ABHD5: variants seen among roughly 807,000 people sequenced by gnomAD.
ABHD5 encodes the protein 1-acylglycerol-3-phosphate O-acyltransferase ABHD5.
Under a neutral mutation model 44.9 loss-of-function variants are expected in ABHD5, and 30 were observed. That is an observed-to-expected ratio of 0.67 (90% CI 0.50 to 0.91). The LOEUF (loss-of-function observed/expected upper bound fraction) is 0.91, where lower values mean the gene tolerates loss of function less well. Among genes scored for constraint, ABHD5 ranks in the 40% least tolerant of loss-of-function variants. ABHD5 has a pLI of 0.00. For synonymous variants in ABHD5, 167 were observed against 147.0 expected (o/e 1.14, Z -0.99); for missense variants, 399 against 423.4 (o/e 0.94, Z 0.50).
In ABHD5 at chr3:43,731,699, G is replaced by A. The variant is rs1275430766; in HGVS notation, c.*30-2181G>A. Among the ~76,000 whole-genome samples, 4 of 152,284 alleles carry A rather than the reference G, an allele frequency of 2.6e-5. No individual in the cohort carries two copies. The East Asian group carries it at 7.7e-4, about 29-fold the overall frequency. ...ATACAAAAATTAGCCGGGTGTGGTG[G>A]CGCATGCCTGTAATCCCAACTACTC... On this transcript the variant is annotated intron_variant, in intron 7 of 7. Transcript: ENST00000454293.
chr3:43,733,436 A>G (rs78991841), intron 7 of ABHD5, among the ~76,000 whole-genome samples: 7,245 of 152,336 alleles, frequency 0.048, 227 homozygotes, highest in Non-Finnish European at 0.066. Flanking sequence ...CAGTTTTGAA[A>G]AAACAGTTTG....
intron 7 of ABHD5, among the ~76,000 whole-genome samples, chr3:43,733,183 G>A (rs1488030228): frequency 6.6e-6 from 1 of 152,230 alleles, no homozygotes; most frequent in Middle Eastern, 3.2e-3. Flanking sequence ...TCTCAAGGGT[G>A]TGAGCACCAG....
chr3:43,702,631 A>G lies in ABHD5; in HGVS notation c.506+44A>G, dbSNP rs1396365137. 10 of 1,613,914 alleles carry G rather than the reference A, an allele frequency of 6.2e-6. No homozygotes were observed. In the Admixed American group the frequency reaches 6.7e-5, roughly 11 times the overall value. On this transcript the variant is annotated intron_variant, in intron 3 of 6. Transcript: ENST00000644371. ...AGAGAGGGATTATAACTGTGCTTCC[A>G]AGTACCAGACTCTAGTTCCCATCTT...
chr3:43,712,907 C>T (rs184884592), intron 4 of ABHD5, among the ~76,000 whole-genome samples: 8 of 152,240 alleles, frequency 5.3e-5, no homozygotes, highest in South Asian at 2.1e-4. Context: ...GCTTATGACT[C>T]GGCCCACTCC....
At chr3:43,703,804 A>G (rs541821546) in intron 3 of ABHD5, among the ~76,000 whole-genome samples, 2 of 152,028 alleles carry the variant, frequency 1.3e-5, no homozygotes, top group Non-Finnish European at 2.9e-5. Flanking sequence ...ACAGAATTTG[A>G]TGTGTGAAGC....
chr3:43,719,523 A>T lies in ABHD5; in HGVS notation c.*991A>T, dbSNP rs932729955. 6.6e-6 allele frequency: 1 copy of T among 152,194 alleles called. No homozygotes were observed. Among genetic ancestry groups the T allele is most frequent in the African/African-American group, 2.4e-5 (1 of 41,452 alleles). 9.4% of individuals were successfully genotyped at this position (152,194 alleles called of 1,614,324 possible). On this transcript the variant is annotated 3_prime_UTR_variant, in exon 7 of 7. Transcript: ENST00000644371. ...AAAACAAGTGGTGCTATTATGTCTC[A>T]TGGCACCAGAAATGAGCTAGCACTT...
downstream of ABHD5, among the ~76,000 whole-genome samples, chr3:43,725,092 C>T (rs575882629): frequency 1.4e-4 from 21 of 152,176 alleles, no homozygotes; most frequent in East Asian, 2.1e-3. Context: ...TGTGAGTCTC[C>T]GTAATTTAAG....
chr3:43,706,764 TC>T (rs2084625342), intron 3 of ABHD5, among the ~76,000 whole-genome samples: 1 of 152,256 alleles, frequency 6.6e-6, no homozygotes, highest in Admixed American at 6.5e-5. Flanking sequence ...GTTATTTTAT[TC>T]TTTGCTTCCT....
intron 1 of ABHD5, among the ~76,000 whole-genome samples, chr3:43,695,668 G>A (rs1035724967): frequency 3.9e-5 from 6 of 152,186 alleles, no homozygotes; most frequent in African/African-American, 1.4e-4. Context: ...TAGATAGACA[G>A]ATGTGTTAAA....
chr3:43,733,260 G>T (rs969955052), intron 7 of ABHD5, among the ~76,000 whole-genome samples: 1 of 152,292 alleles, frequency 6.6e-6, no homozygotes, highest in Admixed American at 6.5e-5. Flanking sequence ...AATAAGGCCT[G>T]TCAGACAAGG....
chr3:43,723,118 T>G (rs538851712), downstream of ABHD5, among the ~76,000 whole-genome samples: 2 of 152,206 alleles, frequency 1.3e-5, no homozygotes, highest in South Asian at 4.1e-4. Context: ...TGGCCAAAGA[T>G]GGGTTAAATG....
chr3:43,720,131 T>C lies in ABHD5; in HGVS notation c.*1599T>C, dbSNP rs1166206357. 1 of 152,222 alleles carries C rather than the reference T, an allele frequency of 6.6e-6. No homozygotes were observed. Among genetic ancestry groups the C allele is most frequent in the Non-Finnish European group, 1.5e-5 (1 of 68,036 alleles). 9.4% of individuals were successfully genotyped at this position (152,222 alleles called of 1,614,324 possible). The stretch of plus-strand genomic sequence containing the variant: ...AGGAAGCAACATGAGCGCCAAGATG[T>C]GTTGTCTGATTTCTCTACCTTAAGA... On this transcript the variant is annotated 3_prime_UTR_variant, in exon 7 of 7. Transcript: ENST00000644371.
chr3:43,691,183 C>T, intron 1 of ABHD5, 144 bp downstream of exon 1: 1 of 778,908 alleles, frequency 1.3e-6, no homozygotes, highest in Non-Finnish European at 1.8e-6. Context: ...CGGCATGAGT[C>T]CGCGCGGCGC....
At chr3:43,728,145 T>C (rs2084890309) in intron 7 of ABHD5, among the ~76,000 whole-genome samples, 1 of 152,196 alleles carries the variant, frequency 6.6e-6, no homozygotes, top group Non-Finnish European at 1.5e-5. Flanking sequence ...CTCTCTGGGA[T>C]TGAATTCACA....
intron 1 of ABHD5, among the ~76,000 whole-genome samples, chr3:43,697,619 G>C (rs1001441942): frequency 6.6e-6 from 1 of 152,124 alleles, no homozygotes; most frequent in Non-Finnish European, 1.5e-5. Flanking sequence ...TAATTTATAA[G>C]AGCTGTGCAA....
At chr3:43,724,561 A>G (rs1430373347), downstream of ABHD5, among the ~76,000 whole-genome samples, 1 of 152,198 alleles carries the variant, frequency 6.6e-6, no homozygotes, top group Non-Finnish European at 1.5e-5. Flanking sequence ...TCAAACACAT[A>G]ACTGATTAAA....
chr3:43,715,155 T>C, intron 5 of ABHD5, 97 bp downstream of exon 5: 1 of 753,776 alleles, frequency 1.3e-6, no homozygotes, highest in Non-Finnish European at 2.2e-6. Context: ...TTTAAAACTA[T>C]TTATTTATTT....
intron 4 of ABHD5, 59 bp from the exon 5 acceptor site, chr3:43,714,888 T>G (rs2084741323): frequency 1.7e-6 from 2 of 1,199,930 alleles, no homozygotes; most frequent in African/African-American, 1.5e-5. Context: ...TCTATATTAT[T>G]TAGTTGATAA....
At chr3:43,717,026 C>T (rs1276015406) in intron 5 of ABHD5, among the ~76,000 whole-genome samples, 1 of 152,040 alleles carries the variant, frequency 6.6e-6, no homozygotes, top group Non-Finnish European at 1.5e-5. Context: ...CAAAAATTAG[C>T]TGGGCATGGT....
Sources: allele counts gnomAD v4.1 joint callset (sites outside exome capture counted in the v4.1 genomes callset), GRCh38; gene constraint gnomAD v4.1.1; transcripts MANE v1.5; gene names NCBI Gene and HGNC (gene_info 2026-07-23, HGNC 2026-07-21).